Variants in ADAM18 observed in about 807,000 individuals in gnomAD.
ADAM18 encodes disintegrin and metalloproteinase domain-containing protein 18.
In ADAM18, 117 loss-of-function variants were observed where a neutral mutation model predicts 94.4. That is an observed-to-expected ratio of 1.24 (90% CI 1.07 to 1.45). ADAM18 has a LOEUF of 1.45. Among genes scored for constraint, ADAM18 ranks in the 40% most tolerant of loss-of-function variants. The pLI, the probability that ADAM18 is intolerant of heterozygous loss-of-function variation, is 0.00. For missense variants in ADAM18, 936 were observed against 880.0 expected (o/e 1.06, Z -0.81); for synonymous variants, 327 against 291.6 (o/e 1.12, Z -1.24).
At chr8:39,713,086 A>G (rs1822464144) in intron 18 of ADAM18, among the ~76,000 whole-genome samples, 1 of 152,206 alleles carries the variant, frequency 6.6e-6, no homozygotes, top group Non-Finnish European at 1.5e-5. Flanking sequence ...TGGTACCAAA[A>G]CAGATATATA....
chr8:39,646,660 T>C (rs954387709), intron 11 of ADAM18, among the ~76,000 whole-genome samples: 7 of 152,136 alleles, frequency 4.6e-5, no homozygotes, highest in Admixed American at 4.6e-4. Context: ...TTGTCATAAG[T>C]AGTTCAATAT....
At chr8:39,661,319 A>ATTTTTTTTTTT (rs71518171) in intron 12 of ADAM18, among the ~76,000 whole-genome samples, 10 of 112,824 alleles carry the variant, frequency 8.9e-5, no homozygotes, top group East Asian at 3.8e-4. Context: ...CACCCGGCAA[A>ATTTTTTTTTTT]TTTTTTTTTT....
At chr8:39,588,399 A>T (rs913399476) in intron 2 of ADAM18, among the ~76,000 whole-genome samples, 1 of 151,972 alleles carries the variant, frequency 6.6e-6, no homozygotes, top group Admixed American at 6.6e-5. Flanking sequence ...TCCTTTGCCC[A>T]TTGTTTAATC....
intron 13 of ADAM18, among the ~76,000 whole-genome samples, 176 bp from the exon 14 acceptor site, chr8:39,667,822 C>G (rs1478260471): frequency 6.6e-6 from 1 of 152,194 alleles, no homozygotes; most frequent in East Asian, 1.9e-4. Flanking sequence ...ACAGTTTTCT[C>G]TGGGCTTCAC....
chr8:39,693,677 T>A (rs958265199), intron 17 of ADAM18, among the ~76,000 whole-genome samples: 16 of 151,240 alleles, frequency 1.1e-4, no homozygotes, highest in Non-Finnish European at 1.6e-4. Context: ...TTACTTCTAC[T>A]TTTTAGATTT....
intron 2 of ADAM18, among the ~76,000 whole-genome samples, chr8:39,603,984 A>G (rs1371030928): frequency 2.0e-5 from 3 of 152,212 alleles, no homozygotes; most frequent in African/African-American, 4.8e-5. Flanking sequence ...ATTCAGGATA[A>G]TGATTTACTT....
chr8:39,605,872 C>G (rs979984754), intron 2 of ADAM18: 1 of 167,520 alleles, frequency 6.0e-6, no homozygotes, highest in Non-Finnish European at 1.3e-5. Flanking sequence ...TACCCTTTCC[C>G]CCAAGTCCCC....
chr8:39,703,529 T>C (rs986778014), intron 17 of ADAM18, among the ~76,000 whole-genome samples: 8 of 151,974 alleles, frequency 5.3e-5, no homozygotes, highest in Non-Finnish European at 1.0e-4. Flanking sequence ...TTAAATAGGA[T>C]TGGTGAGAGA....
intron 6 of ADAM18, among the ~76,000 whole-genome samples, chr8:39,615,236 A>C (rs139884943): frequency 6.6e-6 from 1 of 152,104 alleles, no homozygotes; most frequent in Non-Finnish European, 1.5e-5. Flanking sequence ...TAAAAAAAAA[A>C]AAACATACGG....
chr8:39,724,025 G>T, intron 19 of ADAM18, 118 bp downstream of exon 19: 1 of 676,282 alleles, frequency 1.5e-6, no homozygotes, highest in Non-Finnish European at 2.1e-6. Flanking sequence ...TAAATCTAAT[G>T]TAAGTGGTAT....
chr8:39,715,445 A>G (rs569772400), intron 18 of ADAM18, among the ~76,000 whole-genome samples: 1 of 150,876 alleles, frequency 6.6e-6, no homozygotes, highest in Non-Finnish European at 1.5e-5. Flanking sequence ...TAAAGAAAAG[A>G]AAACAGTACA....
chr8:39,662,908 A>T (rs1820880803), intron 12 of ADAM18, among the ~76,000 whole-genome samples: 1 of 152,224 alleles, frequency 6.6e-6, no homozygotes. Context: ...TACAGGCGTG[A>T]GCCACTGCAC....
At chr8:39,619,336 G>A (rs887194770) in intron 6 of ADAM18, among the ~76,000 whole-genome samples, 11 of 152,146 alleles carry the variant, frequency 7.2e-5, no homozygotes, top group Admixed American at 4.6e-4. Flanking sequence ...ACATTTACAG[G>A]AGATCTGATC....
chr8:39,662,487 G>A (rs1008422994), intron 12 of ADAM18, among the ~76,000 whole-genome samples: 1 of 152,120 alleles, frequency 6.6e-6, no homozygotes, highest in Non-Finnish European at 1.5e-5. Context: ...TAAAGGACAA[G>A]ATCTTTGAAA....
chr8:39,725,167 T>C (rs1017869659), intron 19 of ADAM18, among the ~76,000 whole-genome samples: 1 of 152,052 alleles, frequency 6.6e-6, no homozygotes, highest in African/African-American at 2.4e-5. Flanking sequence ...ATCAGTTTTA[T>C]ACCACTTCAC....
chr8:39,645,298 T>G (rs1157692066), intron 10 of ADAM18, 40 bp from the exon 11 acceptor site: 3 of 1,524,090 alleles, frequency 2.0e-6, no homozygotes, highest in Non-Finnish European at 2.7e-6. Flanking sequence ...ACTTTTATTT[T>G]CACACATAAT....
chr8:39,684,082 C>G (rs1472280562), intron 16 of ADAM18, among the ~76,000 whole-genome samples: 2 of 152,032 alleles, frequency 1.3e-5, no homozygotes, highest in Non-Finnish European at 2.9e-5. Context: ...GAGATTGAAG[C>G]TTTCACACCA....
intron 18 of ADAM18, among the ~76,000 whole-genome samples, chr8:39,717,125 G>A (rs536971923): frequency 1.3e-5 from 2 of 151,720 alleles, no homozygotes; most frequent in East Asian, 1.9e-4. Flanking sequence ...TGTGTGTTGC[G>A]TGTCTGTGAT....
At chr8:39,639,053 TTTC>T (rs1207157492) in intron 10 of ADAM18, among the ~76,000 whole-genome samples, 12 of 151,950 alleles carry the variant, frequency 7.9e-5, no homozygotes, top group Non-Finnish European at 2.9e-5. Flanking sequence ...AATTAGAAAA[TTTC>T]TTCTTTGTAA....
Sources: allele counts gnomAD v4.1 joint callset (sites outside exome capture counted in the v4.1 genomes callset), GRCh38; gene constraint gnomAD v4.1.1; transcripts MANE v1.5; gene names NCBI Gene and HGNC (gene_info 2026-07-23, HGNC 2026-07-21).